GRWD1: variants seen among roughly 807,000 people sequenced by gnomAD.
GRWD1 encodes the protein glutamate rich WD repeat containing 1.
Under a neutral mutation model 45.3 loss-of-function variants are expected in GRWD1, and 29 were observed. The ratio of observed to expected loss-of-function variants is 0.64; its 90% CI spans 0.48 to 0.87. GRWD1 has a LOEUF of 0.87. GRWD1 is among the 40% of genes least tolerant of loss of function. The probability of loss-of-function intolerance (pLI) is 0.00; values close to 1 mark genes in which losing one functional copy is unlikely to be tolerated. For missense variants in GRWD1, 592 were observed against 618.8 expected, an observed-to-expected ratio of 0.96 and a Z score of 0.46; for synonymous variants, 262 against 257.6, an observed-to-expected ratio of 1.02 and a Z score of -0.16.
rs375015314 is a variant in GRWD1, at chr19:48,453,053, C to T, written c.*28C>T. ...CGTCCCACTGGCTCTGATCTTGCTT[C>T]CTGCTTGGAAACTGAAGTCGAATTG... On this transcript the variant is annotated 3_prime_UTR_variant, in exon 7 of 7. Transcript: ENST00000253237. 1,538 of 1,540,368 alleles carry T rather than the reference C, an allele frequency of 1.0e-3. 4 individuals are homozygous for T. The highest frequency in any genetic ancestry group is 1.3e-3 in the Non-Finnish European group (1,488 of 1,140,144).
Position 48,456,584 on chromosome 19 carries a change from T to C in GRWD1, c.*3559T>C, listed in dbSNP as rs1971541520. 1 of 152,214 alleles carries C rather than the reference T, an allele frequency of 6.6e-6. No individual in the cohort carries two copies. The highest frequency in any genetic ancestry group is 1.5e-5 in the Non-Finnish European group (1 of 68,054). The allele number at this position is 152,214 out of a possible 1,614,324, so 9.4% of individuals were successfully genotyped here. ...CAAACTTGACATTGTCTCATGGTCT[T>C]CTTTCCAAATGGAGTGTGCCAGGCC... On this transcript the variant is annotated 3_prime_UTR_variant, in exon 7 of 7. Coordinates refer to ENST00000253237, the MANE Select transcript of GRWD1 (RefSeq NM_031485.4).
In GRWD1 at chr19:48,452,933, C is replaced by T. The variant is rs1971492939; in HGVS notation, c.1249C>T (p.Leu417=). ...GTTCGTGCACCAGGGCGAGACCGAG[C>T]TGAAGGAGCTGCACTGGCACCCGCA... is the stretch of plus-strand genomic sequence containing the variant. ...LLFVHQGETE[L]KELHWHPQCP... The change falls in exon 7 of 7, where the codon CTG becomes TTG. Residue 417 remains leucine (L), a synonymous_variant. Coordinates refer to ENST00000253237, the MANE Select transcript of GRWD1 (RefSeq NM_031485.4). The surrounding 1 kb of genome is among the most constrained non-coding windows in gnomAD (Gnocchi z 5.1). 6.2e-7 allele frequency: 1 copy of T among 1,611,870 alleles called. No homozygotes were observed. Among genetic ancestry groups the T allele is most frequent in the African/African-American group, 1.3e-5 (1 of 74,940 alleles).
At chr19:48,448,319 G>T in intron 3 of GRWD1, among the ~76,000 whole-genome samples, 1 of 152,104 alleles carries the variant, frequency 6.6e-6, no homozygotes, top group East Asian at 1.9e-4. Flanking sequence ...ACAATGATAC[G>T]GTATATGAAG....
rs1799272 is a variant in GRWD1 at position 48,454,320 on chromosome 19, T to C, written c.*1295T>C. 0.78 allele frequency: 117,335 copies of C among 150,352 alleles called. 46,548 individuals are homozygous for C. The highest frequency in any genetic ancestry group is 0.85 in the Non-Finnish European group (57,759 of 67,872). 9.3% of individuals were successfully genotyped at this position (150,352 alleles called of 1,614,324 possible). ...AGTCGCTGTCTCGCTCCTCCGCCGC[T>C]GTCTCCTGTCCAGCCTGCCTGGGCT... On this transcript the variant is annotated 3_prime_UTR_variant, in exon 7 of 7. Coordinates refer to ENST00000253237, the MANE Select transcript of GRWD1 (RefSeq NM_031485.4).
chr19:48,450,516 C>T lies in GRWD1; in HGVS notation c.672C>T (p.Pro224=). Residue 224 remains proline (P), a synonymous_variant, in exon 4 of 7, where the codon CCC becomes CCT. Coordinates refer to ENST00000253237, the MANE Select transcript of GRWD1 (RefSeq NM_031485.4). The surrounding 1 kb of genome is among the most constrained non-coding windows in gnomAD (Gnocchi z 5.1). Reference sequence around the variant, plus strand: ...AGGGCTTTGCCCTTGACTGGTCCCCCCGGGTGACCGGTGAGTCCCTGGGGT... The same window carrying T: ...AGGGCTTTGCCCTTGACTGGTCCCCTCGGGTGACCGGTGAGTCCCTGGGGT... ...MGEGFALDWS[P]RVTGRLLTGD... 1 of 1,614,094 alleles carries T rather than the reference C, an allele frequency of 6.2e-7. No homozygotes were observed. The highest frequency in any genetic ancestry group is 8.5e-7 in the Non-Finnish European group (1 of 1,180,016).
chr19:48,451,770 G>A (rs189088215), intron 6 of GRWD1, among the ~76,000 whole-genome samples: 27 of 152,272 alleles, frequency 1.8e-4, no homozygotes, highest in African/African-American at 6.3e-4. Context: ...CTGCCTTCCC[G>A]GGCTGCCATG....
At chr19:48,447,844 G>A (rs1971428787) in intron 3 of GRWD1, among the ~76,000 whole-genome samples, 2 of 152,240 alleles carry the variant, frequency 1.3e-5, no homozygotes, top group South Asian at 4.2e-4. Flanking sequence ...TATCTGATGG[G>A]GCTGGCATGA....
chr19:48,453,263 TGGC>T lies in GRWD1; in HGVS notation c.*239_*241del. 3 of 455,808 alleles carry T rather than the reference TGGC, an allele frequency of 6.6e-6. No individual in the cohort carries two copies. The highest frequency in any genetic ancestry group is 1.2e-5 in the Non-Finnish European group (3 of 255,882). The allele number at this position is 455,808 out of a possible 1,614,324, so 28.2% of individuals were successfully genotyped here. On this transcript the variant is annotated 3_prime_UTR_variant, in exon 7 of 7. Coordinates refer to ENST00000253237, the MANE Select transcript of GRWD1 (RefSeq NM_031485.4). ...GACCACTCCCACCCAGAGACTTGTG[TGGC>T]CTGGTGTGGCCTGTGTGTCGGATTC... is the stretch of plus-strand genomic sequence containing the variant.
At chr19:48,446,227 G>A in intron 1 of GRWD1, 35 bp downstream of exon 1, 1 of 1,581,648 alleles carries the variant, frequency 6.3e-7, no homozygotes, top group South Asian at 1.1e-5. Context: ...GTCCTGAGGT[G>A]GCTGATCCCG....
At position 48,450,964 on chromosome 19, in the gene GRWD1, C is replaced by T; in HGVS notation, c.826-70C>T. 1 of 1,537,034 alleles carries T rather than the reference C, an allele frequency of 6.5e-7. No individual in the cohort carries two copies. ...GGGGAACAGTGAAAGAGAGAGTAGC[C>T]CACCGCTGGCGCTTGGGCTTCACTG... On this transcript the variant is annotated intron_variant, in intron 5 of 6. Coordinates refer to ENST00000253237, the MANE Select transcript of GRWD1 (RefSeq NM_031485.4). This position sits in a 1 kb window ranked among gnomAD's most constrained non-coding sequence, Gnocchi z 5.1.
chr19:48,449,994 C>T (rs150966893), intron 3 of GRWD1, among the ~76,000 whole-genome samples: 1,696 of 151,974 alleles, frequency 0.011, 17 homozygotes, highest in South Asian at 0.022. Flanking sequence ...AGAGGGTTAC[C>T]GAGACCAGGA....
In GRWD1 at chr19:48,452,318, C is replaced by G. The variant is rs1408431863; in HGVS notation, c.1024-390C>G. On this transcript the variant is annotated intron_variant, in intron 6 of 6. Coordinates refer to ENST00000253237, the MANE Select transcript of GRWD1 (RefSeq NM_031485.4). The surrounding 1 kb of genome is among the most constrained non-coding windows in gnomAD (Gnocchi z 5.1). ...TCACCATGTTGTTCAGGCTGGTCTC[C>G]AACTCCTGACCTCGGGTGATCCACC... 6.6e-6 allele frequency among the ~76,000 whole-genome samples: 1 copy of G among 151,914 alleles called. No individual in the cohort carries two copies. The highest frequency in any genetic ancestry group is 1.5e-5 in the Non-Finnish European group (1 of 67,978).
chr19:48,452,704 C>A lies in GRWD1; in HGVS notation c.1024-4C>A. 6.4e-7 allele frequency: 1 copy of A among 1,559,332 alleles called. No homozygotes were observed. Among genetic ancestry groups the A allele is most frequent in the Non-Finnish European group, 8.7e-7 (1 of 1,146,124 alleles). ...AGCCCGTTCCTCCCATCCTCTCCCT[C>A]TAGTCTGGTTCCCCAGTGGCCACCT... On this transcript the variant is annotated splice_polypyrimidine_tract_variant and splice_region_variant and intron_variant, in intron 6 of 6. Coordinates refer to ENST00000253237, the MANE Select transcript of GRWD1 (RefSeq NM_031485.4). This position sits in a 1 kb window ranked among gnomAD's most constrained non-coding sequence, Gnocchi z 5.1.
rs182029364 is a variant in GRWD1 at position 48,453,080 on chromosome 19, G to C, written c.*55G>C. ...TGCTTGGAAACTGAAGTCGAATTGG[G>C]CTCCCCTGGAAGGGGTTCATTCAGG... is the stretch of plus-strand genomic sequence containing the variant. On this transcript the variant is annotated 3_prime_UTR_variant, in exon 7 of 7. Coordinates refer to ENST00000253237, the MANE Select transcript of GRWD1 (RefSeq NM_031485.4). 101 of 1,495,892 alleles carry C rather than the reference G, an allele frequency of 6.8e-5. No individual in the cohort carries two copies. In the East Asian group the frequency reaches 2.3e-3, roughly 34 times the overall value. 92.7% of individuals were successfully genotyped at this position (1,495,892 alleles called of 1,614,324 possible). A position where few individuals can be genotyped will look rare whatever the true frequency, so the allele number is the denominator to read the frequency against.
chr19:48,452,878 C>G lies in GRWD1; in HGVS notation c.1194C>G (p.Pro398=). The change falls in exon 7 of 7, where the codon CCC becomes CCG. Residue 398 remains proline, a synonymous_variant. Coordinates refer to ENST00000253237, the MANE Select transcript of GRWD1 (RefSeq NM_031485.4). This position sits in a 1 kb window ranked among gnomAD's most constrained non-coding sequence, Gnocchi z 5.1. The stretch of plus-strand genomic sequence containing the variant: ...AGGCGGGCGACGTGGAGGCCGACCC[C>G]GGACTGGCCGACCTCCCGCAGCAGC... ...DPEAGDVEAD[P]GLADLPQQLL... is the part of the protein sequence containing the mutation. The G allele has an allele frequency of 6.2e-7, 1 of 1,612,402 alleles. No individual in the cohort carries two copies. Among genetic ancestry groups the G allele is most frequent in the Non-Finnish European group, 8.5e-7 (1 of 1,179,790 alleles).
chr19:48,449,937 A>G lies in GRWD1; in HGVS notation c.469-376A>G, dbSNP rs113539244. 1.0e-3 allele frequency among the ~76,000 whole-genome samples: 157 copies of G among 152,204 alleles called. 1 individual carries two copies. Among genetic ancestry groups the G allele is most frequent in the African/African-American group, 3.3e-3 (137 of 41,542 alleles). ...ACTGGGTCTCCTAGTGAACAAACAC[A>G]GAGGCAAGGAGATCCGAGGACTGAG... On this transcript the variant is annotated intron_variant, in intron 3 of 6. Coordinates refer to ENST00000253237, the MANE Select transcript of GRWD1 (RefSeq NM_031485.4).
In GRWD1 at chr19:48,453,038, G is replaced by A; in HGVS notation, c.*13G>A. On this transcript the variant is annotated 3_prime_UTR_variant, in exon 7 of 7. Transcript: ENST00000253237. ...CATCAGCGTCTGAGGCGTCCCACTG[G>A]CTCTGATCTTGCTTCCTGCTTGGAA... 1.9e-6 allele frequency: 3 copies of A among 1,557,314 alleles called. No individual in the cohort carries two copies. Among genetic ancestry groups the A allele is most frequent in the African/African-American group, 1.4e-5 (1 of 73,836 alleles).
In GRWD1 at chr19:48,451,116, C is replaced by G. The variant is rs1436943535; in HGVS notation, c.908C>G (p.Thr303Arg). The change falls in exon 6 of 7, where the codon ACA (threonine) becomes AGA (arginine). Residue 303 changes from threonine (T) to arginine (R), a missense_variant. Coordinates refer to ENST00000253237, the MANE Select transcript of GRWD1 (RefSeq NM_031485.4). The stretch of plus-strand genomic sequence containing the variant: ...CCCAGCAAGGCCTGCATGCTCACCA[C>G]AGCCACCGCCCATGATGGGGACGTC... ...AAPSKACMLT[T>R]ATAHDGDVNV... 6.2e-7 allele frequency: 1 copy of G among 1,614,172 alleles called. No individual in the cohort carries two copies. Among genetic ancestry groups the G allele is most frequent in the Non-Finnish European group, 8.5e-7 (1 of 1,179,994 alleles).
rs1425305975 is a variant in GRWD1, at chr19:48,455,755, CT to C, written c.*2731del. 1.3e-5 allele frequency: 2 copies of C among 152,302 alleles called. No homozygotes were observed. Among genetic ancestry groups the C allele is most frequent in the Admixed American group, 6.5e-5 (1 of 15,284 alleles). The allele number at this position is 152,302 out of a possible 1,614,324, so 9.4% of individuals were successfully genotyped here. A position where few individuals can be genotyped will look rare whatever the true frequency, so the allele number is the denominator to read the frequency against. ...GCTTAGGACCCAACCAGCATTCCCC[CT>C]GGCACTGCGGGGGCCTGGCCAGCTC... On this transcript the variant is annotated 3_prime_UTR_variant, in exon 7 of 7. Transcript: ENST00000253237.
Sources: allele counts gnomAD v4.1 joint callset (sites outside exome capture counted in the v4.1 genomes callset), GRCh38; gene constraint gnomAD v4.1.1; non-coding constraint Gnocchi (gnomAD v3.1); transcripts MANE v1.5; gene names NCBI Gene and HGNC (gene_info 2026-07-23, HGNC 2026-07-21).